The following APBB2 variants were observed in gnomAD, a reference collection of about 807,000 sequenced individuals.
APBB2 encodes amyloid beta precursor protein binding family B member 2, also known as Fe65-like 1.
A neutral mutation model predicts 82.5 loss-of-function variants in APBB2; 38 were observed. That is an observed-to-expected ratio of 0.46 (90% CI 0.36 to 0.60). The LOEUF (loss-of-function observed/expected upper bound fraction) is 0.60, where lower values mean the gene tolerates loss of function less well. APBB2 is among the 20% of genes least tolerant of loss of function. The pLI is 0.00. For synonymous variants in APBB2, 341 were observed against 368.2 expected (o/e 0.93, Z 0.85); for missense variants, 772 against 972.3 (o/e 0.79, Z 2.74).
At chr4:40,990,787 C>G (rs1560470403) in intron 6 of APBB2, among the ~76,000 whole-genome samples, 1 of 152,166 alleles carries the variant, frequency 6.6e-6, no homozygotes, top group African/African-American at 2.4e-5. Context: ...ACTGTGTCAT[C>G]ATCCTACTCC....
At chr4:41,172,769 T>G (rs1768669562) in intron 1 of APBB2, among the ~76,000 whole-genome samples, 1 of 152,236 alleles carries the variant, frequency 6.6e-6, no homozygotes, top group Admixed American at 6.5e-5. Context: ...GCCTGAAATT[T>G]ACCACTGCTT....
chr4:40,872,601 C>T (rs552009698), intron 12 of APBB2, among the ~76,000 whole-genome samples: 1 of 152,066 alleles, frequency 6.6e-6, no homozygotes, highest in African/African-American at 2.4e-5. Context: ...ACATGGGTAT[C>T]CAATAAATCC....
At chr4:40,924,121 C>T (rs957802104) in intron 10 of APBB2, among the ~76,000 whole-genome samples, 4 of 152,198 alleles carry the variant, frequency 2.6e-5, no homozygotes, top group East Asian at 1.9e-4. Context: ...ACTTTCTCTG[C>T]GCCTTCTGCT....
intron 12 of APBB2, among the ~76,000 whole-genome samples, chr4:40,887,884 G>A (rs563955341): frequency 5.3e-5 from 8 of 152,266 alleles, no homozygotes; most frequent in African/African-American, 9.6e-5. Context: ...TACAGCCCAC[G>A]TTTCAAAAAC....
rs567911980 is a variant in APBB2, at chr4:41,021,461, C to A, written c.20-7063G>T. 1.5e-3 allele frequency among the ~76,000 whole-genome samples: 221 copies of A among 152,178 alleles called. 9 individuals are homozygous for A. In the South Asian group the frequency reaches 0.045, roughly 31 times the overall value. On this transcript the variant is annotated intron_variant, in intron 5 of 17. Coordinates refer to ENST00000508593, the MANE Select transcript of APBB2 (RefSeq NM_004307.2). ...CAGCACTCTGTAAAAATGCACCAAT[C>A]AGCACTCTGTGTCTAGCTAAAGGAT...
chr4:40,869,199 G>A (rs1038124349), intron 12 of APBB2, among the ~76,000 whole-genome samples: 1 of 152,104 alleles, frequency 6.6e-6, no homozygotes, highest in East Asian at 1.9e-4. Context: ...GAAGAATAAA[G>A]TAGAATGAAT....
chr4:40,964,883 G>A (rs2154395347), intron 6 of APBB2, among the ~76,000 whole-genome samples: 1 of 151,868 alleles, frequency 6.6e-6, no homozygotes, highest in African/African-American at 2.4e-5. Flanking sequence ...CACTTTGGGA[G>A]GCCAAGGCGG....
chr4:41,016,803 C>A (rs1258381303), intron 5 of APBB2, among the ~76,000 whole-genome samples: 3 of 151,892 alleles, frequency 2.0e-5, no homozygotes, highest in Non-Finnish European at 2.9e-5. Flanking sequence ...AAAGGACCAT[C>A]CAATACAAAC....
intron 12 of APBB2, chr4:40,880,812 G>A (rs909869675): frequency 5.1e-6 from 5 of 985,200 alleles, no homozygotes; most frequent in Admixed American, 1.2e-4. Flanking sequence ...GCCCCCACAC[G>A]TCACTGGCTG....
chr4:41,006,010 A>G (rs1484588939), intron 6 of APBB2, among the ~76,000 whole-genome samples: 3 of 152,226 alleles, frequency 2.0e-5, no homozygotes, highest in African/African-American at 7.2e-5. Context: ...AACCATTGTT[A>G]GACTCTGGCT....
chr4:41,117,020 C>T (rs965516702), intron 2 of APBB2, among the ~76,000 whole-genome samples: 3 of 151,986 alleles, frequency 2.0e-5, no homozygotes, highest in Non-Finnish European at 1.5e-5. Flanking sequence ...AAGAACAGAC[C>T]CATTCTTTTG....
intron 2 of APBB2, among the ~76,000 whole-genome samples, chr4:41,112,748 G>A (rs1749637539): frequency 6.6e-6 from 1 of 152,148 alleles, no homozygotes; most frequent in African/African-American, 2.4e-5. Flanking sequence ...CCAGCACTTT[G>A]GGAGGCCAAG....
At chr4:40,970,358 C>T (rs577762941) in intron 6 of APBB2, among the ~76,000 whole-genome samples, 54 of 152,164 alleles carry the variant, frequency 3.5e-4, no homozygotes, top group South Asian at 1.0e-3. Context: ...CTCGATGCCC[C>T]GTTTAGTATG....
chr4:41,196,384 C>T, intron 1 of APBB2, among the ~76,000 whole-genome samples: 1 of 152,204 alleles, frequency 6.6e-6, no homozygotes, highest in Non-Finnish European at 1.5e-5. Flanking sequence ...TCAATAAACA[C>T]ATGCTGGATG....
At chr4:40,990,767 C>G (rs911513639) in intron 6 of APBB2, among the ~76,000 whole-genome samples, 2 of 152,168 alleles carry the variant, frequency 1.3e-5, no homozygotes, top group Admixed American at 6.5e-5. Context: ...CTGCATCCAT[C>G]ATTTTAAAAA....
At chr4:41,094,071 C>A (rs1013094896) in intron 3 of APBB2, among the ~76,000 whole-genome samples, 4 of 151,942 alleles carry the variant, frequency 2.6e-5, no homozygotes, top group Non-Finnish European at 5.9e-5. Context: ...ATACATATTT[C>A]AAAACATCAT....
chr4:40,881,763 G>A (rs190149723), intron 12 of APBB2, among the ~76,000 whole-genome samples: 4,607 of 151,530 alleles, frequency 0.03, 259 homozygotes, highest in African/African-American at 0.11. Context: ...CAAACTCCTG[G>A]CCTCAAGTGA....
chr4:40,895,781 C>T (rs560024971), intron 10 of APBB2, among the ~76,000 whole-genome samples: 1 of 152,344 alleles, frequency 6.6e-6, no homozygotes, highest in South Asian at 2.1e-4. Context: ...AACCTTGTCT[C>T]CTACCACCTC....
chr4:40,911,040 G>A (rs1480310869), intron 10 of APBB2, among the ~76,000 whole-genome samples: 1 of 152,214 alleles, frequency 6.6e-6, no homozygotes. Flanking sequence ...TATGACACAC[G>A]GCAAGTTGCT....
Sources: gnomAD v4.1 joint callset for allele counts (sites outside exome capture counted in the v4.1 genomes callset) on GRCh38, gnomAD v4.1.1 for gene constraint, MANE v1.5 for transcripts, NCBI Gene and HGNC (gene_info 2026-07-23, HGNC 2026-07-21) for gene names.